BRIP1: variants seen among roughly 807,000 people sequenced by gnomAD.
BRIP1 encodes Fanconi anemia group J protein.
In BRIP1, 88 loss-of-function variants were observed where a neutral mutation model predicts 119.7. The ratio of observed to expected loss-of-function variants is 0.74; its 90% confidence interval spans 0.62 to 0.88. The LOEUF (loss-of-function observed/expected upper bound fraction) is 0.88, where lower values mean the gene tolerates loss of function less well. Among genes scored for constraint, BRIP1 ranks in the 40% least tolerant of loss-of-function variants. The pLI is 0.00. For missense variants in BRIP1, 1,259 were observed against 1,455.4 expected (o/e 0.87, Z 2.20); for synonymous variants, 443 against 496.5 (o/e 0.89, Z 1.43).
chr17:61,799,270 G>A lies in BRIP1; in HGVS notation c.1170C>T (p.Val390=), dbSNP rs754755989. 56 of 1,612,964 alleles carry A rather than the reference G, an allele frequency of 3.5e-5. No homozygotes were observed. In the South Asian group the frequency reaches 6.0e-4, roughly 17 times the overall value. The change falls in exon 9 of 20, where the codon GTC becomes GTT. Residue 390 remains valine (V), a synonymous_variant. Transcript: ENST00000259008. The surrounding 1 kb of genome is among the most constrained non-coding windows in gnomAD (Gnocchi z 5.1). ...CGATGTTATGAGCTTCATCTAAAAT[G>A]ACAACCTGTTCTTTCAGATTTAAAT... The part of the protein sequence containing the change: ...SMDLNLKEQV[V]ILDEAHNIED...
rs117943935 is a variant in BRIP1 at position 61,837,044 on chromosome 17, C to T, written c.627+10057G>A. Reference sequence around the variant, plus strand: ...CTATAATTGCGGAAAATATTAATACCTTCCTGATACGGTTGTTATAAAGAT... The same window carrying T: ...CTATAATTGCGGAAAATATTAATACTTTCCTGATACGGTTGTTATAAAGAT... On this transcript the variant is annotated intron_variant, in intron 6 of 19. Coordinates refer to ENST00000259008, the MANE Select transcript of BRIP1 (RefSeq NM_032043.3). Among the ~76,000 whole-genome samples, 777 of 152,232 alleles carry T rather than the reference C, an allele frequency of 5.1e-3. 5 individuals carry two copies. The highest frequency in any genetic ancestry group is 0.01 in the Middle Eastern group (3 of 294).
rs1332971744 is a variant in BRIP1, at chr17:61,700,178, A to G, written c.2493-6666T>C. Among the ~76,000 whole-genome samples the G allele has an allele frequency of 6.6e-6, 1 of 152,202 alleles. No homozygotes were observed. The highest frequency in any genetic ancestry group is 1.5e-5 in the Non-Finnish European group (1 of 68,030). On this transcript the variant is annotated intron_variant, in intron 17 of 19. Transcript: ENST00000259008. The surrounding 1 kb of genome is among the most constrained non-coding windows in gnomAD (Gnocchi z 4.1). Reference sequence around the variant, plus strand: ...ACAAGACAATCACCACAGATTTACAATTATTGTTTTATGCAGTTGCTCTTT... The same window carrying G: ...ACAAGACAATCACCACAGATTTACAGTTATTGTTTTATGCAGTTGCTCTTT...
At position 61,810,788 on chromosome 17, in the gene BRIP1, C is replaced by T. The variant is rs1252102932; in HGVS notation, c.628-2031G>A. Among the ~76,000 whole-genome samples the T allele has an allele frequency of 6.6e-6, 1 of 152,108 alleles. No individual in the cohort carries two copies. Among genetic ancestry groups the T allele is most frequent in the East Asian group, 1.9e-4 (1 of 5,204 alleles). On this transcript the variant is annotated intron_variant, in intron 6 of 19. Coordinates refer to ENST00000259008, the MANE Select transcript of BRIP1 (RefSeq NM_032043.3). This position sits in a 1 kb window ranked among gnomAD's most constrained non-coding sequence, Gnocchi z 4.7. ...TTTTTAAAAATCAACTATCCCATCA[C>T]GAATAATTTAGTGTATAACTTACTG...
chr17:61,711,742 C>T (rs1034186846), intron 17 of BRIP1, among the ~76,000 whole-genome samples: 1 of 151,990 alleles, frequency 6.6e-6, no homozygotes, highest in African/African-American at 2.4e-5. Context: ...GTGGCATGTG[C>T]CTGTAATCCC....
At position 61,806,000 on chromosome 17, in the gene BRIP1, A is replaced by G. The variant is rs1218303527; in HGVS notation, c.918+2467T>C. Among the ~76,000 whole-genome samples the G allele has an allele frequency of 1.3e-5, 2 of 152,266 alleles. No individual in the cohort carries two copies. The highest frequency in any genetic ancestry group is 3.8e-4 in the East Asian group (2 of 5,206). On this transcript the variant is annotated intron_variant, in intron 7 of 19. Coordinates refer to ENST00000259008, the MANE Select transcript of BRIP1 (RefSeq NM_032043.3). This position sits in a 1 kb window ranked among gnomAD's most constrained non-coding sequence, Gnocchi z 5.6. ...AAATTAACTTTTAACAGATAAGTGC[A>G]TACTTTTCCAGTATAAGGGCACTTT...
At chr17:61,685,812 G>A (rs2144106923) in intron 19 of BRIP1, 24 bp downstream of exon 19, 1 of 1,558,980 alleles carries the variant, frequency 6.4e-7, no homozygotes, top group Admixed American at 1.7e-5. Flanking sequence ...TCTATCAAAG[G>A]TAAATGGGAA....
rs1213199318 is a variant in BRIP1, at chr17:61,809,163, GTTCA to G, written c.628-410_628-407del. ...AGTTAATAGTTTTGTTCACAGCATAGTTCATTCAAATATTCCTTAATACACCAAT... is the reference window on the plus strand; with the variant it reads ...AGTTAATAGTTTTGTTCACAGCATAGTTCAAATATTCCTTAATACACCAAT... On this transcript the variant is annotated intron_variant, in intron 6 of 19. Coordinates refer to ENST00000259008, the MANE Select transcript of BRIP1 (RefSeq NM_032043.3). The surrounding 1 kb of genome is among the most constrained non-coding windows in gnomAD (Gnocchi z 5.2). Among the ~76,000 whole-genome samples the G allele has an allele frequency of 6.6e-6, 1 of 152,104 alleles. No homozygotes were observed. The highest frequency in any genetic ancestry group is 1.5e-5 in the Non-Finnish European group (1 of 67,986).
chr17:61,854,754 T>C (rs1055570542), intron 4 of BRIP1, among the ~76,000 whole-genome samples: 6 of 150,218 alleles, frequency 4.0e-5, no homozygotes, highest in Non-Finnish European at 7.4e-5. Flanking sequence ...CAAAGCAATC[T>C]GGTCATTCTG....
Position 61,680,476 on chromosome 17 carries a change from A to ACTTC in BRIP1, c.*2819_*2820insGAAG, listed in dbSNP as rs2061255970. On this transcript the variant is annotated 3_prime_UTR_variant, in exon 20 of 20. Transcript: ENST00000259008. ...ATGTAGTTTACCAATTCTAAAGGTAATTTCTTTTTTTTTTTTTTTTTGAGA... is the reference window on the plus strand; with the variant it reads ...ATGTAGTTTACCAATTCTAAAGGTAACTTCTTTCTTTTTTTTTTTTTTTTTGAGA... 1.3e-5 allele frequency among the ~76,000 whole-genome samples: 1 copy of ACTTC among 74,674 alleles called. No individual in the cohort carries two copies. Among genetic ancestry groups the ACTTC allele is most frequent in the African/African-American group, 5.2e-5 (1 of 19,216 alleles). 49.0% of individuals were successfully genotyped at this position (74,674 alleles called of 152,430 possible).
At position 61,755,108 on chromosome 17, in the gene BRIP1, A is replaced by G. The variant is rs2077182885; in HGVS notation, c.2098-10517T>C. Among the ~76,000 whole-genome samples the G allele has an allele frequency of 6.6e-6, 1 of 152,240 alleles. No individual in the cohort carries two copies. The highest frequency in any genetic ancestry group is 2.1e-4 in the South Asian group (1 of 4,836). On this transcript the variant is annotated intron_variant, in intron 14 of 19. Transcript: ENST00000259008. This position sits in a 1 kb window ranked among gnomAD's most constrained non-coding sequence, Gnocchi z 4.5. The stretch of plus-strand genomic sequence containing the variant: ...TTACTTACTGCTGATTGCCCAGTGC[A>G]TAGAACAGTACCTTACATATAGAAA...
At position 61,808,461 on chromosome 17, in the gene BRIP1, A is replaced by C; in HGVS notation, c.918+6T>G. On this transcript the variant is annotated splice_donor_region_variant and intron_variant, in intron 7 of 19. Transcript: ENST00000259008. The surrounding 1 kb of genome is among the most constrained non-coding windows in gnomAD (Gnocchi z 4.1). ...TTTTTCTCTAACACAAAATAACTTT[A>C]CTCACGTTTTTCCCATCTAGCAATT... 6.2e-7 allele frequency: 1 copy of C among 1,608,016 alleles called. No individual in the cohort carries two copies. Among genetic ancestry groups the C allele is most frequent in the Non-Finnish European group, 8.5e-7 (1 of 1,174,552 alleles).
Position 61,860,179 on chromosome 17 carries a change from CAGA to C in BRIP1, c.94-275_94-273del, listed in dbSNP as rs1164732200. 6.6e-6 allele frequency among the ~76,000 whole-genome samples: 1 copy of C among 152,120 alleles called. No individual in the cohort carries two copies. The highest frequency in any genetic ancestry group is 1.5e-5 in the Non-Finnish European group (1 of 68,024). On this transcript the variant is annotated intron_variant, in intron 2 of 19. Coordinates refer to ENST00000259008, the MANE Select transcript of BRIP1 (RefSeq NM_032043.3). This position sits in a 1 kb window ranked among gnomAD's most constrained non-coding sequence, Gnocchi z 4.1. ...CAAGCATCAATGATTTCTGTAAAAC[CAGA>C]ATACATTACTACCTATCAATATATT...
chr17:61,781,356 T>C (rs1216066475), intron 11 of BRIP1, among the ~76,000 whole-genome samples: 1 of 152,216 alleles, frequency 6.6e-6, no homozygotes, highest in African/African-American at 2.4e-5. Context: ...CATGCTCTAC[T>C]ACATGATGAG....
Position 61,746,087 on chromosome 17 carries a change from G to C in BRIP1, c.2098-1496C>G, listed in dbSNP as rs1332842511. Among the ~76,000 whole-genome samples, 1 of 152,050 alleles carries C rather than the reference G, an allele frequency of 6.6e-6. No homozygotes were observed. Among genetic ancestry groups the C allele is most frequent in the Non-Finnish European group, 1.5e-5 (1 of 67,976 alleles). ...AACAGCAACTGATCAATTTTTATAA[G>C]ATAGTTTATTTCCTCAATTTTACCT... On this transcript the variant is annotated intron_variant, in intron 14 of 19. Transcript: ENST00000259008. The surrounding 1 kb of genome is among the most constrained non-coding windows in gnomAD (Gnocchi z 4.9).
At position 61,809,615 on chromosome 17, in the gene BRIP1, G is replaced by A. The variant is rs1180349098; in HGVS notation, c.628-858C>T. On this transcript the variant is annotated intron_variant, in intron 6 of 19. Transcript: ENST00000259008. This position sits in a 1 kb window ranked among gnomAD's most constrained non-coding sequence, Gnocchi z 5.2. The stretch of plus-strand genomic sequence containing the variant: ...TTAATGCTATATATTAGAACTCACA[G>A]GTTCTTAATAACTACTTCCTTCTAA... Among the ~76,000 whole-genome samples, 1 of 151,988 alleles carries A rather than the reference G, an allele frequency of 6.6e-6. No individual in the cohort carries two copies. The highest frequency in any genetic ancestry group is 1.5e-5 in the Non-Finnish European group (1 of 67,996).
intron 6 of BRIP1, among the ~76,000 whole-genome samples, chr17:61,811,725 G>A (rs921417893): frequency 5.9e-5 from 9 of 151,708 alleles, no homozygotes; most frequent in Middle Eastern, 3.2e-3. Flanking sequence ...GCCGAGGCAC[G>A]TGGATTGCTT....
rs1240346454 is a variant in BRIP1, at chr17:61,710,992, G to A, written c.2492+4959C>T. Reference sequence around the variant, plus strand: ...GGTGGAGGAAGATGCAGTGAGCCAAGACTGCACCACTGCACTGGGCGACAG... The same window carrying A: ...GGTGGAGGAAGATGCAGTGAGCCAAAACTGCACCACTGCACTGGGCGACAG... On this transcript the variant is annotated intron_variant, in intron 17 of 19. Transcript: ENST00000259008. This position sits in a 1 kb window ranked among gnomAD's most constrained non-coding sequence, Gnocchi z 5.4. Among the ~76,000 whole-genome samples the A allele has an allele frequency of 7.2e-6, 1 of 139,852 alleles. No homozygotes were observed. Among genetic ancestry groups the A allele is most frequent in the East Asian group, 2.2e-4 (1 of 4,606 alleles). 91.7% of individuals were successfully genotyped at this position (139,852 alleles called of 152,430 possible).
chr17:61,749,170 G>GA (rs1188609719), intron 14 of BRIP1, among the ~76,000 whole-genome samples: 2 of 150,186 alleles, frequency 1.3e-5, no homozygotes, highest in African/African-American at 4.9e-5. Context: ...AAAACTCTTA[G>GA]AAAAAAACAC....
rs1451101852 is a variant in BRIP1 at position 61,689,177 on chromosome 17, G to A, written c.2576-3012C>T. 6.6e-6 allele frequency among the ~76,000 whole-genome samples: 1 copy of A among 151,902 alleles called. No individual in the cohort carries two copies. Among genetic ancestry groups the A allele is most frequent in the Non-Finnish European group, 1.5e-5 (1 of 68,008 alleles). ...TCCTGCCTCGGCCTCTCAAGTAGCT[G>A]GGACTACAGGCATGTACCACCACAC... On this transcript the variant is annotated intron_variant, in intron 18 of 19. Transcript: ENST00000259008. This position sits in a 1 kb window ranked among gnomAD's most constrained non-coding sequence, Gnocchi z 4.5.
Sources: allele counts gnomAD v4.1 joint callset (sites outside exome capture counted in the v4.1 genomes callset), GRCh38; gene constraint gnomAD v4.1.1; non-coding constraint Gnocchi (gnomAD v3.1); transcripts MANE v1.5; gene names NCBI Gene and HGNC (gene_info 2026-07-23, HGNC 2026-07-21).